The following AP1S3 variants were observed in gnomAD, a reference collection of about 807,000 sequenced individuals.
The protein encoded by AP1S3 is adaptor related protein complex 1 subunit sigma 3, also known as AP-1 complex subunit sigma-3.
A neutral mutation model predicts 20.9 loss-of-function variants in AP1S3; 10 were observed. That is an observed-to-expected ratio of 0.48 (90% CI 0.29 to 0.81). The LOEUF is 0.81. Ranked by LOEUF, AP1S3 falls within the 30% of genes least tolerant of loss-of-function variation. The pLI, the probability that AP1S3 is intolerant of heterozygous loss-of-function variation, is 0.08. For missense variants in AP1S3, 154 were observed against 183.8 expected (o/e 0.84, Z 0.94); for synonymous variants, 41 against 61.5 (o/e 0.67, Z 1.56).
At chr2:223,773,163 G>C in intron 3 of AP1S3, 1 of 629,912 alleles carries the variant, frequency 1.6e-6, no homozygotes, top group Middle Eastern at 3.2e-4. Context: ...AATGCCCTGA[G>C]ATATCTGGCT....
At chr2:223,762,268 A>ATTTTTTTTTTTTT (rs57119521) in intron 4 of AP1S3, among the ~76,000 whole-genome samples, 1 of 105,198 alleles carries the variant, frequency 9.5e-6, no homozygotes, top group Non-Finnish European at 1.9e-5. Flanking sequence ...GTGCCCAGCA[A>ATTTTTTTTTTTTT]TTTTTTTTTT....
intron 4 of AP1S3, among the ~76,000 whole-genome samples, chr2:223,761,702 C>T (rs978415235): frequency 2.4e-4 from 36 of 152,164 alleles, no homozygotes; most frequent in African/African-American, 8.7e-4. Context: ...GCTGGGATTA[C>T]AGGTGCACAC....
chr2:223,768,205 G>A (rs1559276009), intron 3 of AP1S3, among the ~76,000 whole-genome samples: 2 of 152,120 alleles, frequency 1.3e-5, no homozygotes, highest in Admixed American at 1.3e-4. Flanking sequence ...ACAATGTCAC[G>A]GTGTTTTGTG....
At chr2:223,835,925 C>T (rs1692384682) in intron 1 of AP1S3, among the ~76,000 whole-genome samples, 1 of 152,222 alleles carries the variant, frequency 6.6e-6, no homozygotes, top group African/African-American at 2.4e-5. Flanking sequence ...GACTGGGCAT[C>T]TGTCACCTTG....
At chr2:223,763,596 A>C (rs1026558175) in intron 4 of AP1S3, among the ~76,000 whole-genome samples, 3 of 152,164 alleles carry the variant, frequency 2.0e-5, no homozygotes, top group Non-Finnish European at 4.4e-5. Flanking sequence ...ATACCTTGTA[A>C]AGTTTTCCTC....
At chr2:223,789,563 GGTGTGGTGACT>G (rs1237450037) in intron 1 of AP1S3, among the ~76,000 whole-genome samples, 15 of 151,812 alleles carry the variant, frequency 9.9e-5, no homozygotes, top group Non-Finnish European at 1.5e-4. Flanking sequence ...GGGAGTGCTG[GGTGTGGTGACT>G]CATGCCTACA....
chr2:223,798,175 A>G (rs978601105), intron 1 of AP1S3, among the ~76,000 whole-genome samples: 19 of 152,356 alleles, frequency 1.2e-4, no homozygotes, highest in African/African-American at 4.3e-4. Context: ...TTAAATCTCC[A>G]CAATCTCAGA....
rs201260977 is a variant in AP1S3, at chr2:223,756,403, A to AAGGG, written c.*2308_*2311dup. 0.017 allele frequency: 7,996 copies of AAGGG among 470,388 alleles called. 161 individuals are homozygous for AAGGG. The highest frequency in any genetic ancestry group is 0.15 in the East Asian group (879 of 5,980). 29.1% of individuals were successfully genotyped at this position (470,388 alleles called of 1,614,324 possible). ...GAGGGAGGGAGGAAGGGAAGGAAGG[A>AAGGG]AGGGAGGGAAGGAGAGAGAGAGAAG... is the stretch of plus-strand genomic sequence containing the variant. On this transcript the variant is annotated 3_prime_UTR_variant, in exon 5 of 5. Coordinates refer to ENST00000396654, the MANE Select transcript of AP1S3 (RefSeq NM_001039569.2).
At chr2:223,793,047 G>C (rs533754800) in intron 1 of AP1S3, among the ~76,000 whole-genome samples, 139 of 149,658 alleles carry the variant, frequency 9.3e-4, no homozygotes, top group African/African-American at 3.2e-3. Context: ...CAGTCAGAAT[G>C]GCCATTATTA....
At chr2:223,809,191 A>C (rs1343958408) in intron 1 of AP1S3, among the ~76,000 whole-genome samples, 1 of 152,222 alleles carries the variant, frequency 6.6e-6, no homozygotes, top group Non-Finnish European at 1.5e-5. Flanking sequence ...CATGGCCTGC[A>C]AGGCCATACT....
chr2:223,828,076 A>G, intron 1 of AP1S3, among the ~76,000 whole-genome samples: 1 of 39,198 alleles, frequency 2.6e-5, no homozygotes, highest in African/African-American at 8.9e-5. Context: ...AAAAAAAAAA[A>G]AAAAAAAAAA....
At position 223,809,566 on chromosome 2, in the gene AP1S3, C is replaced by A. The variant is rs184673150; in HGVS notation, c.3+27882G>T. ...AGGCTGAGGCAGAGAATTGCTTGAA[C>A]CCGGGAAGTGGAGGTTGCAGTGAGT... is the stretch of plus-strand genomic sequence containing the variant. On this transcript the variant is annotated intron_variant, in intron 1 of 4. Transcript: ENST00000396654. Among the ~76,000 whole-genome samples, 10 of 151,512 alleles carry A rather than the reference C, an allele frequency of 6.6e-5. No homozygotes were observed. The East Asian group carries it at 2.0e-3, about 30-fold the overall frequency.
intron 3 of AP1S3, among the ~76,000 whole-genome samples, chr2:223,772,689 G>A (rs555319292): frequency 1.8e-4 from 27 of 152,124 alleles, no homozygotes; most frequent in South Asian, 4.1e-4. Flanking sequence ...AGTAGCCAGA[G>A]ATTTTGATCC....
chr2:223,815,848 G>A (rs879945430), intron 1 of AP1S3, among the ~76,000 whole-genome samples: 4 of 152,212 alleles, frequency 2.6e-5, no homozygotes, highest in Admixed American at 2.6e-4. Context: ...AGTGGCTCAG[G>A]TCTCTAATAC....
intron 3 of AP1S3, chr2:223,770,438 C>A: frequency 6.9e-7 from 1 of 1,459,596 alleles, no homozygotes; most frequent in South Asian, 1.4e-5. Flanking sequence ...AATTAATTTA[C>A]TGTACTAGTT....
chr2:223,804,604 G>T (rs1001498195), intron 1 of AP1S3, among the ~76,000 whole-genome samples: 1 of 152,068 alleles, frequency 6.6e-6, no homozygotes, highest in African/African-American at 2.4e-5. Flanking sequence ...CTACTCAGGA[G>T]TCTAAGGCAG....
intron 1 of AP1S3, among the ~76,000 whole-genome samples, chr2:223,798,550 G>A: frequency 6.6e-6 from 1 of 152,222 alleles, no homozygotes; most frequent in East Asian, 1.9e-4. Context: ...TACGTGAAAT[G>A]TGAACATTCT....
rs1265837818 is a variant in AP1S3, at chr2:223,757,906, T to A, written c.*809A>T. The A allele has an allele frequency of 3.1e-6, 3 of 966,840 alleles. No homozygotes were observed. The highest frequency in any genetic ancestry group is 3.7e-6 in the Non-Finnish European group (3 of 813,052). 59.9% of individuals were successfully genotyped at this position (966,840 alleles called of 1,614,324 possible). ...AATTTTAAAAAATAGTAGCAATAATTATTATTGCTATTAATTCTTATCATA... is the reference window on the plus strand; with the variant it reads ...AATTTTAAAAAATAGTAGCAATAATAATTATTGCTATTAATTCTTATCATA... On this transcript the variant is annotated 3_prime_UTR_variant, in exon 5 of 5. Transcript: ENST00000396654.
intron 1 of AP1S3, among the ~76,000 whole-genome samples, chr2:223,791,569 C>T (rs1262506191): frequency 6.6e-6 from 1 of 152,158 alleles, no homozygotes; most frequent in East Asian, 1.9e-4. Context: ...AAACCACAGC[C>T]AATATCATGC....
Sources: gnomAD v4.1 joint callset for allele counts (sites outside exome capture counted in the v4.1 genomes callset) on GRCh38, gnomAD v4.1.1 for gene constraint, MANE v1.5 for transcripts, NCBI Gene and HGNC (gene_info 2026-07-23, HGNC 2026-07-21) for gene names.